The following DNAH11 variants were observed in gnomAD, a reference collection of about 807,000 sequenced individuals.
DNAH11 encodes the protein axonemal beta dynein heavy chain 11.
A neutral mutation model predicts 526.0 loss-of-function variants in DNAH11; 442 were observed. The observed-to-expected ratio is 0.84, with a 90% CI of 0.78 to 0.91. The LOEUF (loss-of-function observed/expected upper bound fraction) is 0.91. DNAH11 is among the 40% of genes least tolerant of loss of function. The probability of loss-of-function intolerance (pLI) is 0.00; values close to 1 mark genes in which losing one functional copy is unlikely to be tolerated. For synonymous variants in DNAH11, 2,461 were observed against 1,935.9 expected (o/e 1.27, Z -7.12); for missense variants, 6,989 against 5,448.7 (o/e 1.28, Z -8.90).
Position 21,702,773 on chromosome 7 carries a change from C to T in DNAH11, c.6244C>T (p.Arg2082Ter), listed in dbSNP as rs200693106. Residue 2082 changes from arginine to a stop codon, truncating the protein, a stop_gained, in exon 37 of 82, where the codon CGA becomes TGA. Transcript: ENST00000409508. LOFTEE classifies it high-confidence loss of function. Reference sequence around the variant, plus strand: ...CTTGGTTGTGGCTGGATCTCTGAAACGAGGAGATAAAAATAGACCCGAAGA... The same window carrying T: ...CTTGGTTGTGGCTGGATCTCTGAAATGAGGAGATAAAAATAGACCCGAAGA... ...SVLVVAGSLK[R>*]GDKNRPEDQV... 6.2e-5 allele frequency: 100 copies of T among 1,613,180 alleles called. No individual in the cohort carries two copies. The highest frequency in any genetic ancestry group is 7.5e-5 in the Non-Finnish European group (88 of 1,179,668).
chr7:21,553,070 ATTTTTT>A (rs35121910), intron 2 of DNAH11, among the ~76,000 whole-genome samples: 4 of 66,764 alleles, frequency 6.0e-5, no homozygotes, highest in African/African-American at 1.5e-4. Flanking sequence ...TATAAATGGG[ATTTTTT>A]TTTTTTTTTT....
Position 21,619,978 on chromosome 7 carries a change from C to A in DNAH11, c.4400C>A (p.Thr1467Asn). 1 of 1,604,820 alleles carries A rather than the reference C, an allele frequency of 6.2e-7. No individual in the cohort carries two copies. The highest frequency in any genetic ancestry group is 8.5e-7 in the Non-Finnish European group (1 of 1,176,872). ...TAGGTTATTACTGAAATCAGTCAGA[C>A]CTGGGCAACCATGAAGTTTTCTTAC... ...TEKVITEISQ[T>N]WATMKFSYEV... is the part of the protein sequence containing the mutation. Residue 1467 changes from threonine to asparagine, a missense_variant, in exon 25 of 82, where the codon ACC becomes AAC. Transcript: ENST00000409508.
In DNAH11 at chr7:21,655,862, A is replaced by G; in HGVS notation, c.4975A>G (p.Ser1659Gly). 2 of 1,613,322 alleles carry G rather than the reference A, an allele frequency of 1.2e-6. No individual in the cohort carries two copies. The highest frequency in any genetic ancestry group is 1.7e-6 in the Non-Finnish European group (2 of 1,179,518). ...VTCHLAKLFD[S>G]IADLQFEDNQ... ...ATGTCACCTTGCCAAACTTTTCGAC[A>G]GCATTGCAGATCTGCAGTTTGAAGA... The change falls in exon 29 of 82, where the codon AGC becomes GGC. Residue 1659 changes from serine to glycine, a missense_variant. Ser to Gly is a moderately conservative substitution (Grantham distance 56). Transcript: ENST00000409508.
At chr7:21,791,418 G>A (rs10261077) in intron 61 of DNAH11, among the ~76,000 whole-genome samples, 20,389 of 152,108 alleles carry the variant, frequency 0.13, 2,036 homozygotes, top group East Asian at 0.28. Context: ...CCAACCTTTC[G>A]CAACTTGATC....
intron 28 of DNAH11, among the ~76,000 whole-genome samples, chr7:21,650,904 T>G (rs1562728539): frequency 4.0e-5 from 6 of 151,222 alleles, no homozygotes; most frequent in African/African-American, 1.5e-4. Context: ...CCTCCCAAAG[T>G]GCTGGGATTA....
chr7:21,846,884 C>T (rs551502170), intron 66 of DNAH11, among the ~76,000 whole-genome samples: 5 of 152,192 alleles, frequency 3.3e-5, no homozygotes, highest in African/African-American at 7.2e-5. Context: ...TTATTTAATG[C>T]ATATAGGCCT....
At chr7:21,592,276 C>A (rs988553016) in intron 14 of DNAH11, among the ~76,000 whole-genome samples, 5 of 152,030 alleles carry the variant, frequency 3.3e-5, no homozygotes, top group Non-Finnish European at 7.4e-5. Context: ...GAGTCGCTTG[C>A]GGGTAGGGTG....
intron 57 of DNAH11, among the ~76,000 whole-genome samples, chr7:21,781,068 C>A (rs1006358432): frequency 6.6e-6 from 1 of 152,156 alleles, no homozygotes. Flanking sequence ...TTCATCAATA[C>A]CTGAATCCAT....
intron 54 of DNAH11, among the ~76,000 whole-genome samples, chr7:21,764,273 A>T (rs1787068716): frequency 9.8e-6 from 1 of 101,724 alleles, no homozygotes; most frequent in South Asian, 2.9e-4. Flanking sequence ...TAAACAATAA[A>T]ACACTTGTTA....
intron 37 of DNAH11, 113 bp downstream of exon 37, chr7:21,702,915 CA>C: frequency 1.1e-6 from 1 of 925,180 alleles, no homozygotes; most frequent in Non-Finnish European, 1.6e-6. Flanking sequence ...AAAAGCATAA[CA>C]TCTGTTGTTA....
chr7:21,564,044 G>GTCGTC, intron 5 of DNAH11, 142 bp from the exon 6 acceptor site: 1 of 589,990 alleles, frequency 1.7e-6, no homozygotes, highest in South Asian at 3.0e-5. Flanking sequence ...GTAGATTGTA[G>GTCGTC]GATAAGTAAT....
chr7:21,608,882 C>T (rs751446504), intron 20 of DNAH11, among the ~76,000 whole-genome samples: 3 of 152,044 alleles, frequency 2.0e-5, no homozygotes, highest in Admixed American at 1.3e-4. Flanking sequence ...TGTAGTAGGG[C>T]TGGGTGAACT....
At chr7:21,764,510 G>T (rs1787084355) in intron 54 of DNAH11, among the ~76,000 whole-genome samples, 1 of 152,090 alleles carries the variant, frequency 6.6e-6, no homozygotes, top group Admixed American at 6.5e-5. Context: ...CTGATTGACA[G>T]TTCTCTTCCC....
At chr7:21,620,748 T>A (rs1400893212) in intron 25 of DNAH11, among the ~76,000 whole-genome samples, 1 of 121,732 alleles carries the variant, frequency 8.2e-6, no homozygotes, top group South Asian at 2.7e-4. Context: ...CAGAGTGTGA[T>A]GTTCCCCTTC....
intron 71 of DNAH11, among the ~76,000 whole-genome samples, chr7:21,866,888 A>G (rs992124824): frequency 1.3e-5 from 2 of 152,214 alleles, no homozygotes; most frequent in Non-Finnish European, 2.9e-5. Flanking sequence ...TAATTCTGAA[A>G]TCAGTACTGG....
chr7:21,897,031 T>C (rs1030992559), intron 79 of DNAH11, among the ~76,000 whole-genome samples: 1 of 152,198 alleles, frequency 6.6e-6, no homozygotes, highest in African/African-American at 2.4e-5. Flanking sequence ...GCCATGATCA[T>C]GCCACTGCAT....
At chr7:21,761,425 A>T (rs751095707) in intron 54 of DNAH11, among the ~76,000 whole-genome samples, 1 of 152,164 alleles carries the variant, frequency 6.6e-6, no homozygotes, top group Non-Finnish European at 1.5e-5. Context: ...TTTTCATCTT[A>T]CTCTGTGTGT....
Position 21,899,468 on chromosome 7 carries a change from A to ATCAGGGGCTGCACT in DNAH11, c.13162+20_13162+21insTCAGGGGCTGCACT. On this transcript the variant is annotated intron_variant, in intron 80 of 81. Transcript: ENST00000409508. Reference sequence around the variant, plus strand: ...TAACTGGTAAGGGCTGACGCAGTGCAGCCCCTGATGCACACAGGACCACAG... The same window carrying ATCAGGGGCTGCACT: ...TAACTGGTAAGGGCTGACGCAGTGCATCAGGGGCTGCACTGCCCCTGATGCACACAGGACCACAG... 6.3e-7 allele frequency: 1 copy of ATCAGGGGCTGCACT among 1,588,080 alleles called. No homozygotes were observed. Among genetic ancestry groups the ATCAGGGGCTGCACT allele is most frequent in the Non-Finnish European group, 8.6e-7 (1 of 1,158,158 alleles).
intron 65 of DNAH11, among the ~76,000 whole-genome samples, chr7:21,838,037 C>T (rs977819877): frequency 3.3e-5 from 5 of 152,134 alleles, no homozygotes; most frequent in East Asian, 1.9e-4. Context: ...AAGAACTAGC[C>T]GTGAACTATA....
Sources: allele counts gnomAD v4.1 joint callset (sites outside exome capture counted in the v4.1 genomes callset), GRCh38; gene constraint gnomAD v4.1.1; transcripts MANE v1.5; gene names NCBI Gene and HGNC (gene_info 2026-07-23, HGNC 2026-07-21).